The following CLEC17A variants were observed in gnomAD, a reference collection of about 807,000 sequenced individuals.
The protein encoded by CLEC17A is C-type lectin domain family 17, member A.
CLEC17A carries 37 observed loss-of-function variants against 61.3 expected under a neutral mutation model. The ratio of observed to expected loss-of-function variants is 0.60; its 90% CI spans 0.46 to 0.79. CLEC17A has a LOEUF of 0.79. Ranked by LOEUF, CLEC17A falls within the 30% of genes least tolerant of loss-of-function variation. The pLI is 0.00. For synonymous variants in CLEC17A, 168 were observed against 164.9 expected (o/e 1.02, Z -0.14); for missense variants, 418 against 464.7 (o/e 0.90, Z 0.92).
chr19:14,599,656 C>A, intron 10 of CLEC17A, 61 bp from the exon 11 acceptor site: 1 of 1,176,868 alleles, frequency 8.5e-7, no homozygotes, highest in Non-Finnish European at 1.3e-6. Context: ...GTCTGCAGTC[C>A]GTGGTGGATG....
In CLEC17A at chr19:14,588,199, A is replaced by C. The variant is rs539674233; in HGVS notation, c.199+508A>C. ...GACTGATAAGTGGTTGTTAAAGTGG[A>C]GGTTTGGGCCAGCTGCAGTGGTGTG... On this transcript the variant is annotated intron_variant, in intron 3 of 13. Coordinates refer to ENST00000417570, the MANE Select transcript of CLEC17A (RefSeq NM_001204118.2). Among the ~76,000 whole-genome samples the C allele has an allele frequency of 1.5e-3, 234 of 151,440 alleles. 1 individual carries two copies. The highest frequency in any genetic ancestry group is 5.5e-3 in the African/African-American group (226 of 41,216).
intron 13 of CLEC17A, 60 bp from the exon 14 acceptor site, chr19:14,610,004 C>T (rs922105268): frequency 2.4e-6 from 3 of 1,257,308 alleles, no homozygotes; most frequent in Middle Eastern, 1.9e-4. Flanking sequence ...CAGTATTATA[C>T]AGAAGAGTTT....
intron 12 of CLEC17A, among the ~76,000 whole-genome samples, chr19:14,605,411 A>G (rs553168385): frequency 6.6e-6 from 1 of 152,204 alleles, no homozygotes; most frequent in South Asian, 2.1e-4. Flanking sequence ...CCCACATTTT[A>G]AGGAATCTTG....
rs1484935872 is a variant in CLEC17A at position 14,597,031 on chromosome 19, G to A, written c.583+18G>A. The stretch of plus-strand genomic sequence containing the variant: ...GATTAAGTGTGAGTAGGGCCAGGAA[G>A]GGACATGGGGAGAGATTGGGGAGGG... On this transcript the variant is annotated intron_variant, in intron 9 of 13. Coordinates refer to ENST00000417570, the MANE Select transcript of CLEC17A (RefSeq NM_001204118.2). The A allele has an allele frequency of 9.9e-6, 16 of 1,610,596 alleles. No homozygotes were observed. The highest frequency in any genetic ancestry group is 2.7e-5 in the African/African-American group (2 of 74,862).
intron 13 of CLEC17A, 145 bp downstream of exon 13, chr19:14,607,247 C>T: frequency 6.7e-6 from 2 of 299,302 alleles, no homozygotes; most frequent in South Asian, 1.5e-4. Context: ...CTCTGTCGCC[C>T]AGGCTGGAGT....
At chr19:14,586,398 A>G (rs1460484770) in intron 2 of CLEC17A, among the ~76,000 whole-genome samples, 1 of 152,040 alleles carries the variant, frequency 6.6e-6, no homozygotes, top group Non-Finnish European at 1.5e-5. Context: ...TGCTGAGATT[A>G]CAGGCACGAG....
chr19:14,588,829 C>T (rs1420710931), intron 3 of CLEC17A, among the ~76,000 whole-genome samples: 1 of 151,980 alleles, frequency 6.6e-6, no homozygotes, highest in African/African-American at 2.4e-5. Context: ...AGGGCTGAGG[C>T]TGTATATCCC....
In CLEC17A at chr19:14,611,594, A is replaced by G. The variant is rs1293714499; in HGVS notation, c.*1398A>G. 6.6e-6 allele frequency among the ~76,000 whole-genome samples: 1 copy of G among 152,044 alleles called. No homozygotes were observed. The highest frequency in any genetic ancestry group is 1.5e-5 in the Non-Finnish European group (1 of 68,004). On this transcript the variant is annotated 3_prime_UTR_variant, in exon 14 of 14. Transcript: ENST00000417570. The stretch of plus-strand genomic sequence containing the variant: ...ACCAGCTGAAAAGCAAGACCCCTAC[A>G]TAGTGTGGCCAGGCAGGCCATAACC...
At chr19:14,597,536 C>T (rs1480072333) in intron 10 of CLEC17A, among the ~76,000 whole-genome samples, 2 of 152,122 alleles carry the variant, frequency 1.3e-5, no homozygotes, top group African/African-American at 4.8e-5. Flanking sequence ...GCCAGAAGTT[C>T]GAGACCCGAC....
intron 10 of CLEC17A, 114 bp from the exon 11 acceptor site, chr19:14,599,603 T>C: frequency 1.3e-6 from 1 of 770,704 alleles, no homozygotes; most frequent in Non-Finnish European, 2.3e-6. Flanking sequence ...CACTGGAATG[T>C]GGACACAGTG....
chr19:14,600,842 G>T (rs2074689611), intron 12 of CLEC17A, among the ~76,000 whole-genome samples: 1 of 148,744 alleles, frequency 6.7e-6, no homozygotes, highest in African/African-American at 2.5e-5. Flanking sequence ...GCCCGCCTCG[G>T]CCTCCCAAAG....
intron 13 of CLEC17A, among the ~76,000 whole-genome samples, chr19:14,607,329 G>A (rs2074908174): frequency 6.6e-6 from 1 of 150,652 alleles, no homozygotes; most frequent in Admixed American, 6.6e-5. Context: ...TCAGCCTCCC[G>A]AGTGGCTGGG....
At chr19:14,606,487 T>C (rs11671763) in intron 12 of CLEC17A, among the ~76,000 whole-genome samples, 16,464 of 151,948 alleles carry the variant, frequency 0.11, 978 homozygotes, top group East Asian at 0.18. Flanking sequence ...GAGATCAGGC[T>C]GGTCAACATG....
chr19:14,607,089 C>A lies in CLEC17A; in HGVS notation c.991C>A (p.Pro331Thr). The change falls in exon 13 of 14, where the codon CCT becomes ACT. Residue 331 changes from proline (P) to threonine (T), a missense_variant. Transcript: ENST00000417570. ...GGACTGGAGGTGGCTGGATGGGTCT[C>A]CTGTGACATTAAGGCAAGTGCTTGG... ...EGDWRWLDGS[P>T]VTLSFWEPEE... 1 of 1,308,782 alleles carries A rather than the reference C, an allele frequency of 7.6e-7. No individual in the cohort carries two copies. The allele number at this position is 1,308,782 out of a possible 1,614,324, so 81.1% of individuals were successfully genotyped here.
chr19:14,594,725 G>A lies in CLEC17A; in HGVS notation c.362-34G>A, dbSNP rs539835683. On this transcript the variant is annotated intron_variant, in intron 6 of 13. Transcript: ENST00000417570. ...GAGTCTTCCTGCTCACCTGGCTGAA[G>A]CCCTTCTTGAAATGACTTTCTCATC... is the stretch of plus-strand genomic sequence containing the variant. The A allele has an allele frequency of 1.2e-4, 198 of 1,613,958 alleles. 1 individual carries two copies. In the South Asian group the frequency reaches 1.9e-3, roughly 16 times the overall value.
At chr19:14,587,575 A>T (rs1327472146) in intron 2 of CLEC17A, 39 bp from the exon 3 acceptor site, 4 of 1,539,760 alleles carry the variant, frequency 2.6e-6, no homozygotes, top group Admixed American at 2.0e-5. Flanking sequence ...TGGAGGGAGG[A>T]GGGAATGGCT....
chr19:14,602,053 A>G lies in CLEC17A; in HGVS notation c.894+1871A>G, dbSNP rs79875919. 1.8e-3 allele frequency among the ~76,000 whole-genome samples: 278 copies of G among 152,156 alleles called. 1 individual carries two copies. The highest frequency in any genetic ancestry group is 2.5e-3 in the Non-Finnish European group (168 of 68,008). On this transcript the variant is annotated intron_variant, in intron 12 of 13. Coordinates refer to ENST00000417570, the MANE Select transcript of CLEC17A (RefSeq NM_001204118.2). ...GTGATCTGCCTGCCTCGGCCTCCCA[A>G]AGTGCTGGGATTACAGGCATGAGCC...
At chr19:14,608,320 A>C (rs1168979543) in intron 13 of CLEC17A, among the ~76,000 whole-genome samples, 1 of 152,044 alleles carries the variant, frequency 6.6e-6, no homozygotes, top group Non-Finnish European at 1.5e-5. Context: ...GGGCCTAGAG[A>C]CCCTGATTGC....
chr19:14,603,494 C>T (rs1042452310), intron 12 of CLEC17A, among the ~76,000 whole-genome samples: 1 of 151,692 alleles, frequency 6.6e-6, no homozygotes, highest in Non-Finnish European at 1.5e-5. Flanking sequence ...GGATCTTGCT[C>T]TGTTGCCCAG....
Sources: allele counts gnomAD v4.1 joint callset (sites outside exome capture counted in the v4.1 genomes callset), GRCh38; gene constraint gnomAD v4.1.1; transcripts MANE v1.5; gene names NCBI Gene and HGNC (gene_info 2026-07-23, HGNC 2026-07-21).